Variants in LAMA1 observed in about 807,000 individuals in gnomAD.
The protein encoded by LAMA1 is laminin subunit alpha 1.
In LAMA1, 219 loss-of-function variants were observed where a neutral mutation model predicts 348.7. The ratio of observed to expected loss-of-function variants is 0.63; its 90% confidence interval spans 0.56 to 0.70. The LOEUF is 0.70. Among genes scored for constraint, LAMA1 ranks in the 30% least tolerant of loss-of-function variants. LAMA1 has a pLI of 0.00. For missense variants in LAMA1, 3,744 were observed against 3,888.0 expected (o/e 0.96, Z 0.99); for synonymous variants, 1,487 against 1,491.0 (o/e 1.00, Z 0.06).
intron 29 of LAMA1, 58 bp from the exon 30 acceptor site, chr18:7,002,443 T>G: frequency 6.3e-7 from 1 of 1,588,654 alleles, no homozygotes; most frequent in Non-Finnish European, 8.6e-7. Flanking sequence ...GAAATCATTC[T>G]TATCTGGTAA....
chr18:7,048,689 CT>C (rs569319734), intron 5 of LAMA1, among the ~76,000 whole-genome samples: 42 of 152,334 alleles, frequency 2.8e-4, no homozygotes, highest in South Asian at 2.5e-3. Context: ...ACACACTTAA[CT>C]ACATACTTAA....
chr18:7,117,034 G>C (rs2058359803), intron 1 of LAMA1, among the ~76,000 whole-genome samples: 1 of 152,206 alleles, frequency 6.6e-6, no homozygotes, highest in African/African-American at 2.4e-5. Context: ...AGCGCGGGTC[G>C]GGAAGGCGCA....
At chr18:6,980,428 T>C in intron 42 of LAMA1, 93 bp downstream of exon 42, 1 of 880,466 alleles carries the variant, frequency 1.1e-6, no homozygotes. Context: ...GCTAAAGCCT[T>C]TATCAGTCTT....
chr18:7,074,967 CAAAAAAAAAAAAAAA>C (rs773818069), intron 3 of LAMA1, among the ~76,000 whole-genome samples: 981 of 52,156 alleles, frequency 0.019, 18 homozygotes, highest in South Asian at 0.066. Context: ...TACATAGAGG[CAAAAAAAAAAAAAAA>C]AAAAAAAAAA....
rs1165964777 is a variant in LAMA1, at chr18:7,017,393, A to G, written c.2702-9T>C. On this transcript the variant is annotated splice_polypyrimidine_tract_variant and intron_variant, in intron 19 of 62. Coordinates refer to ENST00000389658, the MANE Select transcript of LAMA1 (RefSeq NM_005559.4). ...CACATGGCATTCACAGGCTAAACAC[A>G]TGCACACAAAGACATATTAACCCTC... 1.9e-6 allele frequency: 3 copies of G among 1,596,806 alleles called. No individual in the cohort carries two copies. The highest frequency in any genetic ancestry group is 1.3e-5 in the African/African-American group (1 of 74,526).
intron 35 of LAMA1, among the ~76,000 whole-genome samples, chr18:6,993,305 G>C (rs1244003449): frequency 1.3e-5 from 2 of 152,084 alleles, no homozygotes; most frequent in Non-Finnish European, 2.9e-5. Flanking sequence ...GGATATACTT[G>C]GTACCTAACT....
intron 39 of LAMA1, among the ~76,000 whole-genome samples, chr18:6,983,580 CTGCATGCT>C (rs2057721858): frequency 6.6e-6 from 1 of 152,198 alleles, no homozygotes; most frequent in Non-Finnish European, 1.5e-5. Context: ...TAGGGCGCCA[CTGCATGCT>C]TGCATTGGTT....
Position 7,037,440 on chromosome 18 carries a change from T to TGCAA in LAMA1, c.1737+134_1737+137dup, listed in dbSNP as rs899844727. 91 of 914,096 alleles carry TGCAA rather than the reference T, an allele frequency of 1.0e-4. No individual in the cohort carries two copies. The African/African-American group carries it at 1.2e-3, about 12-fold the overall frequency. 56.6% of individuals were successfully genotyped at this position (914,096 alleles called of 1,614,324 possible). On this transcript the variant is annotated intron_variant, in intron 12 of 62. Transcript: ENST00000389658. ...AGAAAACCTTCTTTGTATCATCAGA[T>TGCAA]GCAAGTACAGGCTATGAAATGCTGT... is the stretch of plus-strand genomic sequence containing the variant.
intron 61 of LAMA1, among the ~76,000 whole-genome samples, chr18:6,943,661 C>G (rs2057509875): frequency 1.3e-5 from 2 of 151,856 alleles, no homozygotes; most frequent in Non-Finnish European, 2.9e-5. Flanking sequence ...CCAGCCTGAG[C>G]AACATGGAGA....
chr18:7,093,618 C>T (rs1009908258), intron 1 of LAMA1, among the ~76,000 whole-genome samples: 2 of 152,040 alleles, frequency 1.3e-5, no homozygotes, highest in African/African-American at 4.8e-5. Flanking sequence ...AATGTGAGAA[C>T]AGCACTAGGA....
At chr18:7,054,481 C>CA (rs111755578) in intron 3 of LAMA1, among the ~76,000 whole-genome samples, 6,049 of 152,212 alleles carry the variant, frequency 0.04, 400 homozygotes, top group African/African-American at 0.14. Flanking sequence ...CAACAAAAAA[C>CA]AAAAATGCCT....
At chr18:7,040,520 G>T (rs977739877) in intron 9 of LAMA1, among the ~76,000 whole-genome samples, 1 of 152,202 alleles carries the variant, frequency 6.6e-6, no homozygotes, top group Non-Finnish European at 1.5e-5. Context: ...CTTGTTTAAA[G>T]AAAGAAAACA....
At chr18:7,005,845 T>C (rs946037986) in intron 29 of LAMA1, among the ~76,000 whole-genome samples, 1 of 152,122 alleles carries the variant, frequency 6.6e-6, no homozygotes, top group Non-Finnish European at 1.5e-5. Flanking sequence ...AGACACCATT[T>C]TTTGTTTATA....
At chr18:7,015,973 A>C in intron 21 of LAMA1, 115 bp from the exon 22 acceptor site, 1 of 1,276,070 alleles carries the variant, frequency 7.8e-7, no homozygotes, top group Non-Finnish European at 1.1e-6. Context: ...TCACTCCTAA[A>C]AGACGCCTCA....
At position 7,117,700 on chromosome 18, in the gene LAMA1, C is replaced by G. The variant is rs769313394; in HGVS notation, c.21G>C (p.Leu7=). MRGGVL[L]VLLLCVAAQC... ...GCGCGGCGACACACAGCAGCAAGAC[C>G]AGGAGCACGCCCCCGCGCATCTCGC... The change falls in exon 1 of 63, where the codon CTG becomes CTC. Residue 7 remains leucine (L), a synonymous_variant. Transcript: ENST00000389658. 3.6e-5 allele frequency: 57 copies of G among 1,598,794 alleles called. 2 individuals carry two copies. In the South Asian group the frequency reaches 6.1e-4, roughly 17 times the overall value.
chr18:6,955,327 C>T, intron 57 of LAMA1, 26 bp downstream of exon 57: 1 of 1,556,798 alleles, frequency 6.4e-7, no homozygotes, highest in Non-Finnish European at 8.8e-7. Flanking sequence ...TGAGACGCCG[C>T]ATAAGGATGT....
chr18:6,964,696 A>T lies in LAMA1; in HGVS notation c.7303T>A (p.Tyr2435Asn), dbSNP rs1378911478. ...CTTGACCTTGGTAATCCACCCACAT[A>T]AATCGGGTCCTTGTCTAGGCGGTTG... ...DLNRLDKDPIYVGGLPRSRVV... is the reference protein window; with the variant it reads ...DLNRLDKDPINVGGLPRSRVV... Residue 2435 changes from tyrosine (Y) to asparagine (N), a missense_variant, in exon 51 of 63, where the codon TAT becomes AAT. Tyr to Asn is a moderately radical substitution (Grantham distance 143, BLOSUM62 -2). Transcript: ENST00000389658. The T allele has an allele frequency of 2.5e-6, 4 of 1,614,046 alleles. No individual in the cohort carries two copies. Among genetic ancestry groups the T allele is most frequent in the Non-Finnish European group, 3.4e-6 (4 of 1,179,944 alleles).
intron 1 of LAMA1, among the ~76,000 whole-genome samples, chr18:7,107,442 CT>C (rs534459851): frequency 2.9e-4 from 44 of 152,184 alleles, no homozygotes; most frequent in Admixed American, 8.5e-4. Flanking sequence ...GATATATGCA[CT>C]TTTCAGTTCC....
chr18:7,043,113 G>T, intron 8 of LAMA1, 114 bp downstream of exon 8: 1 of 978,248 alleles, frequency 1.0e-6, no homozygotes. Flanking sequence ...GGCATAACAA[G>T]GATATAAATG....
Sources: gnomAD v4.1 joint callset for allele counts (sites outside exome capture counted in the v4.1 genomes callset) on GRCh38, gnomAD v4.1.1 for gene constraint, MANE v1.5 for transcripts, NCBI Gene and HGNC (gene_info 2026-07-23, HGNC 2026-07-21) for gene names.